The following GPC6 variants were observed in gnomAD, a reference collection of about 807,000 sequenced individuals.
GPC6 encodes the protein glypican 6, also known as glypican-6.
GPC6 carries 14 observed loss-of-function variants against 55.2 expected under a neutral mutation model. The ratio of observed to expected loss-of-function variants is 0.25; its 90% CI spans 0.17 to 0.40. The LOEUF (loss-of-function observed/expected upper bound fraction) is 0.40, where lower values mean the gene tolerates loss of function less well. Ranked by LOEUF, GPC6 falls within the 10% of genes least tolerant of loss-of-function variation. The pLI, the probability that GPC6 is intolerant of heterozygous loss-of-function variation, is 1.00. For missense variants in GPC6, 641 were observed against 708.5 expected, an observed-to-expected ratio of 0.90 and a Z score of 1.08; for synonymous variants, 278 against 259.6, an observed-to-expected ratio of 1.07 and a Z score of -0.68.
At chr13:93,571,117 G>A (rs534875475) in intron 2 of GPC6, among the ~76,000 whole-genome samples, 30 of 152,138 alleles carry the variant, frequency 2.0e-4, no homozygotes, top group Admixed American at 4.6e-4. Context: ...TAATATCAGC[G>A]TTGCAGAAAG....
chr13:93,717,875 C>T (rs1034320340), intron 2 of GPC6, among the ~76,000 whole-genome samples: 1 of 151,670 alleles, frequency 6.6e-6, no homozygotes, highest in African/African-American at 2.4e-5. Flanking sequence ...GTTTTCTGTT[C>T]CTGTGTTAGT....
intron 4 of GPC6, among the ~76,000 whole-genome samples, chr13:94,179,339 A>G (rs1888904391): frequency 1.3e-5 from 2 of 152,136 alleles, no homozygotes; most frequent in African/African-American, 4.8e-5. Context: ...TGAGATAGAG[A>G]GGGTGGATGG....
chr13:94,201,653 A>C (rs1437121444), intron 4 of GPC6, among the ~76,000 whole-genome samples: 3 of 152,172 alleles, frequency 2.0e-5, no homozygotes, highest in Admixed American at 2.0e-4. Flanking sequence ...AATCATCATT[A>C]AGATGTCTAC....
chr13:94,274,885 A>G (rs1892154961), intron 4 of GPC6, among the ~76,000 whole-genome samples: 1 of 152,172 alleles, frequency 6.6e-6, no homozygotes. Flanking sequence ...CTGAATTCCC[A>G]CAGAAACTCT....
intron 2 of GPC6, among the ~76,000 whole-genome samples, chr13:93,727,003 G>A (rs568572234): frequency 1.3e-5 from 2 of 152,170 alleles, no homozygotes; most frequent in South Asian, 4.2e-4. Context: ...TATATAAATA[G>A]GGCTCCATTT....
At chr13:93,594,924 T>G (rs1461505921) in intron 2 of GPC6, among the ~76,000 whole-genome samples, 1 of 151,924 alleles carries the variant, frequency 6.6e-6, no homozygotes, top group East Asian at 1.9e-4. Flanking sequence ...TACACCACCT[T>G]CAAATACCAT....
upstream of GPC6, among the ~76,000 whole-genome samples, chr13:93,223,008 C>A (rs141159941): frequency 2.2e-4 from 29 of 131,388 alleles, no homozygotes; most frequent in East Asian, 6.7e-3. Context: ...CTCCTTTAAT[C>A]AGGGAAAACA....
intron 1 of GPC6, among the ~76,000 whole-genome samples, chr13:93,480,966 A>G (rs556416993): frequency 1.3e-5 from 2 of 152,306 alleles, no homozygotes; most frequent in Admixed American, 1.3e-4. Context: ...GTGAATACCT[A>G]GGAGTGGATC....
chr13:93,909,979 T>C (rs1183809499), intron 3 of GPC6, among the ~76,000 whole-genome samples: 3 of 152,096 alleles, frequency 2.0e-5, no homozygotes, highest in South Asian at 4.2e-4. Context: ...GTAGCTTTTA[T>C]TGAACTTTCT....
chr13:93,709,208 T>C (rs1331582021), intron 2 of GPC6, among the ~76,000 whole-genome samples: 1 of 151,810 alleles, frequency 6.6e-6, no homozygotes, highest in African/African-American at 2.4e-5. Flanking sequence ...AGCCTGCCTT[T>C]CTTCCAACCT....
chr13:93,537,380 T>C (rs1046572636), intron 1 of GPC6, among the ~76,000 whole-genome samples: 1 of 152,202 alleles, frequency 6.6e-6, no homozygotes, highest in African/African-American at 2.4e-5. Context: ...TATACTTAGT[T>C]TGTATTTATT....
intron 3 of GPC6, among the ~76,000 whole-genome samples, chr13:93,927,530 A>G (rs1431923163): frequency 6.6e-6 from 1 of 152,152 alleles, no homozygotes; most frequent in Admixed American, 6.6e-5. Context: ...TGTTTTGACT[A>G]TTCAAGACCA....
intron 3 of GPC6, among the ~76,000 whole-genome samples, chr13:93,873,140 G>T (rs1488569842): frequency 6.7e-6 from 1 of 149,220 alleles, no homozygotes; most frequent in African/African-American, 2.5e-5. Context: ...AATGAGGGAG[G>T]TCATATGGTC....
chr13:93,416,342 G>T (rs1261357383), intron 1 of GPC6, among the ~76,000 whole-genome samples: 1 of 152,056 alleles, frequency 6.6e-6, no homozygotes, highest in East Asian at 1.9e-4. Flanking sequence ...AAACACTTAT[G>T]TTGTCTAAGG....
intron 2 of GPC6, among the ~76,000 whole-genome samples, chr13:93,621,735 AT>A (rs1878959564): frequency 6.6e-6 from 1 of 152,156 alleles, no homozygotes; most frequent in Non-Finnish European, 1.5e-5. Context: ...TCTTTCTTGA[AT>A]TTGATGCAAA....
chr13:93,741,585 A>G (rs1232444782), intron 2 of GPC6, among the ~76,000 whole-genome samples: 1 of 152,184 alleles, frequency 6.6e-6, no homozygotes, highest in African/African-American at 2.4e-5. Flanking sequence ...TAGACGTAAT[A>G]TAGACAGCAT....
intron 3 of GPC6, among the ~76,000 whole-genome samples, chr13:93,986,532 A>C (rs1157975026): frequency 1.3e-5 from 2 of 152,164 alleles, no homozygotes; most frequent in Non-Finnish European, 2.9e-5. Context: ...AGGAGTTCAG[A>C]TGTATTTCAG....
chr13:94,135,031 C>T (rs1887133424), intron 4 of GPC6, among the ~76,000 whole-genome samples: 1 of 152,108 alleles, frequency 6.6e-6, no homozygotes, highest in African/African-American at 2.4e-5. Flanking sequence ...TAGCCGTTGC[C>T]TCTCATAAAA....
intron 2 of GPC6, among the ~76,000 whole-genome samples, chr13:93,716,274 GTTAC>G (rs1883253138): frequency 6.6e-6 from 1 of 151,568 alleles, no homozygotes; most frequent in Non-Finnish European, 1.5e-5. Context: ...AAAAATAAAA[GTTAC>G]TTGTGAAGCA....
Sources: allele counts gnomAD v4.1 joint callset (sites outside exome capture counted in the v4.1 genomes callset), GRCh38; gene constraint gnomAD v4.1.1; transcripts MANE v1.5; gene names NCBI Gene and HGNC (gene_info 2026-07-23, HGNC 2026-07-21).